Variants in SLC44A5 observed in about 807,000 individuals in gnomAD.
SLC44A5 encodes the protein choline transporter-like protein 5.
A neutral mutation model predicts 101.8 loss-of-function variants in SLC44A5; 57 were observed. That is an observed-to-expected ratio of 0.56 (90% CI 0.45 to 0.70). The LOEUF is 0.70. Ranked by LOEUF, SLC44A5 falls within the 30% of genes least tolerant of loss-of-function variation. SLC44A5 has a pLI of 0.00. For synonymous variants in SLC44A5, 281 were observed against 290.9 expected, an observed-to-expected ratio of 0.97 and a Z score of 0.35; for missense variants, 737 against 853.1, an observed-to-expected ratio of 0.86 and a Z score of 1.70.
intron 2 of SLC44A5, among the ~76,000 whole-genome samples, chr1:75,504,773 T>C (rs2101850562): frequency 6.6e-6 from 1 of 152,238 alleles, no homozygotes; most frequent in South Asian, 2.1e-4. Flanking sequence ...TATACAAAAG[T>C]TTTCTGTAAC....
At chr1:75,317,680 G>C (rs1182414305) in intron 4 of SLC44A5, among the ~76,000 whole-genome samples, 1 of 152,160 alleles carries the variant, frequency 6.6e-6, no homozygotes, top group Admixed American at 6.5e-5. Flanking sequence ...TCTGGGGGCT[G>C]TGAAGTCTGA....
chr1:75,645,323 C>A, the SLC44A5 span, among the ~76,000 whole-genome samples: 1 of 152,280 alleles, frequency 6.6e-6, no homozygotes, highest in East Asian at 1.9e-4. Flanking sequence ...GCCATTCTAA[C>A]TGGTGTAAGG....
chr1:75,282,723 A>G (rs1652705809), intron 5 of SLC44A5, among the ~76,000 whole-genome samples: 2 of 152,106 alleles, frequency 1.3e-5, no homozygotes, highest in Admixed American at 1.3e-4. Flanking sequence ...ATGGTTTTAT[A>G]AGGGGCTTTT....
At chr1:75,626,320 T>TA in the SLC44A5 span, among the ~76,000 whole-genome samples, 1 of 152,100 alleles carries the variant, frequency 6.6e-6, no homozygotes, top group Non-Finnish European at 1.5e-5. Context: ...AGTAGTGTGT[T>TA]ATGGAATCCA....
At chr1:75,525,796 C>T (rs115153367) in intron 2 of SLC44A5, among the ~76,000 whole-genome samples, 1,697 of 152,166 alleles carry the variant, frequency 0.011, 41 homozygotes, top group African/African-American at 0.039. Context: ...AATATTATGT[C>T]TGCAACATAT....
intron 6 of SLC44A5, among the ~76,000 whole-genome samples, chr1:75,272,107 T>A (rs1166726638): frequency 6.6e-6 from 1 of 152,128 alleles, no homozygotes; most frequent in Non-Finnish European, 1.5e-5. Context: ...GCTATTTGTA[T>A]ATCTTCTGTT....
chr1:75,573,351 A>G (rs1311447520), intron 1 of SLC44A5, among the ~76,000 whole-genome samples: 1 of 152,018 alleles, frequency 6.6e-6, no homozygotes. Flanking sequence ...CTCAAAAAAA[A>G]AGAAAGAAGT....
the SLC44A5 span, among the ~76,000 whole-genome samples, chr1:75,630,207 G>T: frequency 1.6e-4 from 24 of 152,238 alleles, no homozygotes; most frequent in Admixed American, 2.6e-4. Flanking sequence ...GGGTGCCTTT[G>T]TGGGTTTCTC....
chr1:75,615,467 A>G (rs1193758334), upstream of SLC44A5, among the ~76,000 whole-genome samples: 3 of 95,992 alleles, frequency 3.1e-5, no homozygotes, highest in Non-Finnish European at 5.1e-5. Flanking sequence ...ACACACACAC[A>G]CACACACACA....
intron 2 of SLC44A5, among the ~76,000 whole-genome samples, chr1:75,415,305 G>C (rs192969815): frequency 6.6e-6 from 1 of 152,228 alleles, no homozygotes. Context: ...TGGGACTGAC[G>C]AGATCTGATG....
intron 2 of SLC44A5, among the ~76,000 whole-genome samples, chr1:75,407,351 A>G (rs1662946216): frequency 6.6e-6 from 1 of 152,222 alleles, no homozygotes; most frequent in Non-Finnish European, 1.5e-5. Flanking sequence ...CAGAATTAGA[A>G]AAAAACTAAC....
At position 75,388,281 on chromosome 1, in the gene SLC44A5, A is replaced by T. The variant is rs985547855; in HGVS notation, c.52+8302T>A. 3.6e-4 allele frequency among the ~76,000 whole-genome samples: 55 copies of T among 151,786 alleles called. 1 individual carries two copies. The highest frequency in any genetic ancestry group is 4.6e-4 in the Admixed American group (7 of 15,248). ...AAAAAAAAAAAGAAAATTCATTACC[A>T]CTAGACCAGTTTTATAAGAGACACT... is the stretch of plus-strand genomic sequence containing the variant. On this transcript the variant is annotated intron_variant, in intron 3 of 23. Transcript: ENST00000370859.
intron 2 of SLC44A5, among the ~76,000 whole-genome samples, chr1:75,499,304 T>C (rs572960302): frequency 6.6e-6 from 1 of 152,314 alleles, no homozygotes; most frequent in African/African-American, 2.4e-5. Flanking sequence ...GGCATTAGAT[T>C]ATCATAAGGT....
intron 5 of SLC44A5, among the ~76,000 whole-genome samples, chr1:75,290,532 C>G (rs1489303654): frequency 6.6e-6 from 1 of 152,122 alleles, no homozygotes; most frequent in Non-Finnish European, 1.5e-5. Flanking sequence ...AGCTCACTGA[C>G]AGCACTGACA....
intron 8 of SLC44A5, 57 bp downstream of exon 8, chr1:75,242,829 T>C (rs926811783): frequency 2.4e-5 from 36 of 1,518,140 alleles, no homozygotes; most frequent in Non-Finnish European, 3.0e-5. Context: ...CACGTTACAC[T>C]TGAGATTGAA....
chr1:75,642,077 G>T, the SLC44A5 span: 1 of 1,259,906 alleles, frequency 7.9e-7, no homozygotes, highest in Non-Finnish European at 1.1e-6. Context: ...GAATCTGGGG[G>T]CTTCACTAAT....
chr1:75,419,883 A>T (rs1195164640), intron 2 of SLC44A5, among the ~76,000 whole-genome samples: 1 of 152,156 alleles, frequency 6.6e-6, no homozygotes, highest in Non-Finnish European at 1.5e-5. Flanking sequence ...ACTTGAATGT[A>T]AACTGGTAAG....
At chr1:75,506,711 G>A (rs1557857371) in intron 2 of SLC44A5, among the ~76,000 whole-genome samples, 1 of 151,942 alleles carries the variant, frequency 6.6e-6, no homozygotes, top group African/African-American at 2.4e-5. Flanking sequence ...CTTTACTGAA[G>A]TTGTTTATCA....
intron 2 of SLC44A5, among the ~76,000 whole-genome samples, chr1:75,440,945 A>G (rs1002566646): frequency 2.0e-5 from 3 of 151,018 alleles, no homozygotes; most frequent in Non-Finnish European, 3.0e-5. Context: ...ATAATATATT[A>G]CTAATATAAT....
Sources: allele counts gnomAD v4.1 joint callset (sites outside exome capture counted in the v4.1 genomes callset), GRCh38; gene constraint gnomAD v4.1.1; transcripts MANE v1.5; gene names NCBI Gene and HGNC (gene_info 2026-07-23, HGNC 2026-07-21).